Variants in MIPOL1 observed in about 807,000 individuals in gnomAD.
MIPOL1 encodes mirror-image polydactyly 1, also known as mirror-image polydactyly gene 1 protein.
A neutral mutation model predicts 60.9 loss-of-function variants in MIPOL1; 57 were observed. The ratio of observed to expected loss-of-function variants is 0.94; its 90% CI spans 0.76 to 1.17. The LOEUF (loss-of-function observed/expected upper bound fraction) is 1.17, where lower values mean the gene tolerates loss of function less well. MIPOL1 is among the 50% of genes most tolerant of loss of function. MIPOL1 has a pLI of 0.00. For missense variants in MIPOL1, 551 were observed against 511.6 expected (o/e 1.08, Z -0.74); for synonymous variants, 179 against 168.8 (o/e 1.06, Z -0.47).
intron 1 of MIPOL1, among the ~76,000 whole-genome samples, chr14:37,223,226 T>C (rs1032724569): frequency 8.6e-5 from 13 of 151,722 alleles, no homozygotes; most frequent in African/African-American, 3.2e-4. Flanking sequence ...AGACCTGGGG[T>C]TTTACCATGT....
intron 11 of MIPOL1, among the ~76,000 whole-genome samples, chr14:37,435,324 C>T (rs2094146929): frequency 6.6e-6 from 1 of 152,220 alleles, no homozygotes; most frequent in East Asian, 1.9e-4. Context: ...TGTTCTACCC[C>T]CGGAATGTCA....
rs894203419 is a variant in MIPOL1, at chr14:37,550,188, C to A, written c.*3217C>A. ...CAAATAAATTCAGTCATCTTCTTATCAGGTTGCTTATTTATATAATTTGTT... is the reference window on the plus strand; with the variant it reads ...CAAATAAATTCAGTCATCTTCTTATAAGGTTGCTTATTTATATAATTTGTT... On this transcript the variant is annotated 3_prime_UTR_variant, in exon 13 of 13. Coordinates refer to ENST00000684589, the MANE Select transcript of MIPOL1 (RefSeq NM_001388067.1). The A allele has an allele frequency of 1.3e-5, 2 of 150,688 alleles. No individual in the cohort carries two copies. Among genetic ancestry groups the A allele is most frequent in the Non-Finnish European group, 3.0e-5 (2 of 67,562 alleles). The allele number at this position is 150,688 out of a possible 1,614,324, so 9.3% of individuals were successfully genotyped here.
At position 37,496,018 on chromosome 14, in the gene MIPOL1, C is replaced by G. The variant is rs1003307305; in HGVS notation, c.1032-3890C>G. Among the ~76,000 whole-genome samples, 1,035 of 151,180 alleles carry G rather than the reference C, an allele frequency of 6.8e-3. 12 individuals are homozygous for G. The highest frequency in any genetic ancestry group is 0.024 in the African/African-American group (994 of 41,082). ...AATTTGTTTGAGTTCATTGTAGATT[C>G]TGGATATTAGCCCTTTGTCAGATGA... On this transcript the variant is annotated intron_variant, in intron 11 of 12. Transcript: ENST00000684589.
At chr14:37,293,764 G>A (rs992991615) in intron 7 of MIPOL1, among the ~76,000 whole-genome samples, 5 of 152,170 alleles carry the variant, frequency 3.3e-5, no homozygotes, top group Non-Finnish European at 5.9e-5. Flanking sequence ...CTTTGGTGGG[G>A]GGTGCCCGCC....
At chr14:37,516,833 T>C (rs1162807583) in intron 12 of MIPOL1, among the ~76,000 whole-genome samples, 4 of 152,176 alleles carry the variant, frequency 2.6e-5, no homozygotes, top group East Asian at 1.9e-4. Flanking sequence ...CACTTTGTAG[T>C]TCATAAAATA....
At chr14:37,457,954 G>A (rs1464609487) in intron 11 of MIPOL1, among the ~76,000 whole-genome samples, 2 of 151,622 alleles carry the variant, frequency 1.3e-5, no homozygotes, top group African/African-American at 2.4e-5. Context: ...GTTTTTCATG[G>A]GTAGACACTC....
intron 1 of MIPOL1, among the ~76,000 whole-genome samples, chr14:37,204,163 G>A (rs777776642): frequency 4.5e-4 from 68 of 152,098 alleles, no homozygotes; most frequent in Non-Finnish European, 8.5e-4. Context: ...TGAGATGACT[G>A]CACCCCTGGC....
rs569871852 is a variant in MIPOL1 at position 37,214,735 on chromosome 14, G to T, written c.-199+16631G>T. On this transcript the variant is annotated intron_variant, in intron 1 of 12. Transcript: ENST00000684589. Reference sequence around the variant, plus strand: ...GATAATAGTGTGAGCCCTCTGTCACGCCTGGACAGGGCTACTAGAGGCCTC... The same window carrying T: ...GATAATAGTGTGAGCCCTCTGTCACTCCTGGACAGGGCTACTAGAGGCCTC... Among the ~76,000 whole-genome samples the T allele has an allele frequency of 5.3e-5, 8 of 152,266 alleles. No homozygotes were observed. The East Asian group carries it at 7.7e-4, about 15-fold the overall frequency.
At chr14:37,209,154 G>A (rs1014035620) in intron 1 of MIPOL1, among the ~76,000 whole-genome samples, 5 of 152,100 alleles carry the variant, frequency 3.3e-5, no homozygotes, top group Non-Finnish European at 5.9e-5. Flanking sequence ...TAGTTGTTAT[G>A]TTTCCAGTGT....
At chr14:37,353,035 T>G (rs995119353) in intron 9 of MIPOL1, among the ~76,000 whole-genome samples, 2 of 129,656 alleles carry the variant, frequency 1.5e-5, no homozygotes, top group South Asian at 2.8e-4. Context: ...TGATATTGGC[T>G]GTGGGTTTGT....
chr14:37,421,229 G>T (rs1422779898), intron 10 of MIPOL1, among the ~76,000 whole-genome samples: 1 of 152,070 alleles, frequency 6.6e-6, no homozygotes, highest in East Asian at 1.9e-4. Flanking sequence ...TTTTGGTTTT[G>T]TTTTCTGTGC....
intron 10 of MIPOL1, among the ~76,000 whole-genome samples, chr14:37,394,028 AT>A (rs2093314722): frequency 1.5e-5 from 2 of 134,662 alleles, no homozygotes; most frequent in South Asian, 4.9e-4. Flanking sequence ...AATGCCGTTA[AT>A]TCATTCCTTT....
At chr14:37,394,982 TGCCTA>T (rs1442557519) in intron 10 of MIPOL1, among the ~76,000 whole-genome samples, 1 of 152,198 alleles carries the variant, frequency 6.6e-6, no homozygotes, top group African/African-American at 2.4e-5. Context: ...CTCCTACATG[TGCCTA>T]GCCAATTATC....
intron 11 of MIPOL1, among the ~76,000 whole-genome samples, chr14:37,495,025 A>C (rs2095099846): frequency 6.6e-6 from 1 of 152,060 alleles, no homozygotes; most frequent in Non-Finnish European, 1.5e-5. Flanking sequence ...GTGAGGAGTG[A>C]TTAGGAAATT....
intron 1 of MIPOL1, among the ~76,000 whole-genome samples, 172 bp from the exon 2 acceptor site, chr14:37,246,931 G>A (rs938151392): frequency 6.6e-6 from 1 of 151,962 alleles, no homozygotes; most frequent in Non-Finnish European, 1.5e-5. Flanking sequence ...TGTAAGACAT[G>A]TTTTAAAATA....
At chr14:37,340,343 C>T (rs958721612) in intron 9 of MIPOL1, among the ~76,000 whole-genome samples, 4 of 152,084 alleles carry the variant, frequency 2.6e-5, no homozygotes, top group Admixed American at 6.5e-5. Context: ...TACATTTGTA[C>T]AATGTGTTTA....
At chr14:37,515,226 C>G (rs1308507901) in intron 12 of MIPOL1, among the ~76,000 whole-genome samples, 2 of 151,424 alleles carry the variant, frequency 1.3e-5, no homozygotes, top group Non-Finnish European at 2.9e-5. Context: ...TTCTTTCTTC[C>G]TTCAGTGTTA....
At chr14:37,370,716 A>G (rs1380521150) in intron 10 of MIPOL1, among the ~76,000 whole-genome samples, 1 of 152,196 alleles carries the variant, frequency 6.6e-6, no homozygotes, top group Non-Finnish European at 1.5e-5. Context: ...TAACTTTGTT[A>G]TATTTGTCTA....
rs147244606 is a variant in MIPOL1, at chr14:37,293,522, C to T, written c.623+8075C>T. 5.7e-3 allele frequency among the ~76,000 whole-genome samples: 874 copies of T among 152,176 alleles called. 13 individuals carry two copies. The highest frequency in any genetic ancestry group is 0.02 in the African/African-American group (812 of 41,508). On this transcript the variant is annotated intron_variant, in intron 7 of 12. Transcript: ENST00000684589. ...AAGCAAGGCGAGGCATCGTGTCACC[C>T]GGGAAGCGCAAGGGGTCAGGGAATT...
Sources: allele counts gnomAD v4.1 joint callset (sites outside exome capture counted in the v4.1 genomes callset), GRCh38; gene constraint gnomAD v4.1.1; transcripts MANE v1.5; gene names NCBI Gene and HGNC (gene_info 2026-07-23, HGNC 2026-07-21).